MOXD1: variants seen among roughly 807,000 people sequenced by gnomAD.
MOXD1 encodes the protein monooxygenase DBH like 1, also known as DBH-like monooxygenase protein 1.
Under a neutral mutation model 66.6 loss-of-function variants are expected in MOXD1, and 62 were observed. The observed-to-expected ratio is 0.93, with a 90% CI of 0.76 to 1.15. The LOEUF (loss-of-function observed/expected upper bound fraction) is 1.15, where lower values mean the gene tolerates loss of function less well. Among genes scored for constraint, MOXD1 ranks in the 50% most tolerant of loss-of-function variants. The pLI is 0.00. For missense variants in MOXD1, 847 were observed against 754.6 expected, an observed-to-expected ratio of 1.12 and a Z score of -1.44; for synonymous variants, 303 against 281.9, an observed-to-expected ratio of 1.07 and a Z score of -0.75.
At chr6:132,358,586 T>C (rs149654136) in intron 4 of MOXD1, among the ~76,000 whole-genome samples, 3 of 152,224 alleles carry the variant, frequency 2.0e-5, no homozygotes, top group African/African-American at 7.2e-5. Flanking sequence ...TTGTTATTTT[T>C]ATGTTATATA....
At chr6:132,305,973 A>G (rs983386742) in intron 10 of MOXD1, among the ~76,000 whole-genome samples, 29 of 152,288 alleles carry the variant, frequency 1.9e-4, no homozygotes, top group Non-Finnish European at 1.6e-4. Context: ...AATGATTGCA[A>G]CATCGCTCCA....
rs371807636 is a variant in MOXD1 at position 132,393,133 on chromosome 6, C to T, written c.264+8030G>A. 2.7e-5 allele frequency among the ~76,000 whole-genome samples: 4 copies of T among 148,868 alleles called. No homozygotes were observed. In the East Asian group the frequency reaches 7.7e-4, roughly 29 times the overall value. Reference sequence around the variant, plus strand: ...TTGAAAAATTACCAACTGCTTCCAACTCCTTGTGAGTGGAGTGAGTGTGTG... The same window carrying T: ...TTGAAAAATTACCAACTGCTTCCAATTCCTTGTGAGTGGAGTGAGTGTGTG... On this transcript the variant is annotated intron_variant, in intron 1 of 11. Transcript: ENST00000367963.
chr6:132,343,336 A>G (rs573803689), intron 4 of MOXD1, among the ~76,000 whole-genome samples: 50 of 152,344 alleles, frequency 3.3e-4, no homozygotes, highest in African/African-American at 9.1e-4. Flanking sequence ...TCACTTTGGG[A>G]GACTGAGGTG....
chr6:132,373,048 C>A, intron 2 of MOXD1, 51 bp from the exon 3 acceptor site: 2 of 1,507,400 alleles, frequency 1.3e-6, no homozygotes, highest in South Asian at 1.3e-5. Context: ...ACTTTCCTTA[C>A]CACTGAGTTG....
intron 4 of MOXD1, among the ~76,000 whole-genome samples, chr6:132,352,554 C>T (rs533483109): frequency 3.3e-5 from 5 of 152,090 alleles, no homozygotes; most frequent in Admixed American, 2.6e-4. Flanking sequence ...TGGCCTATCA[C>T]GTGTCCTGTC....
At chr6:132,314,513 C>G (rs9493283) in intron 10 of MOXD1, among the ~76,000 whole-genome samples, 2 of 152,216 alleles carry the variant, frequency 1.3e-5, no homozygotes, top group South Asian at 2.1e-4. Context: ...TCTGGTCCCA[C>G]CTGCTCTCAT....
intron 1 of MOXD1, among the ~76,000 whole-genome samples, chr6:132,385,959 T>C (rs1366832240): frequency 1.3e-4 from 18 of 137,820 alleles, no homozygotes; most frequent in Middle Eastern, 4.7e-3. Context: ...AAAAATTAGC[T>C]GGGCGTGGTG....
rs530855159 is a variant in MOXD1, at chr6:132,329,210, C to T, written c.664-616G>A. Among the ~76,000 whole-genome samples, 452 of 152,198 alleles carry T rather than the reference C, an allele frequency of 3.0e-3. 3 individuals carry two copies. Among genetic ancestry groups the T allele is most frequent in the Middle Eastern group, 0.027 (8 of 294 alleles). ...ATTCCCACCTATGAGTGAGAACATG[C>T]GGTGTTTGGTTTTCTGTCCTTGGCG... On this transcript the variant is annotated intron_variant, in intron 4 of 11. Coordinates refer to ENST00000367963, the MANE Select transcript of MOXD1 (RefSeq NM_015529.4).
At chr6:132,301,504 A>G (rs991304791) in intron 10 of MOXD1, among the ~76,000 whole-genome samples, 1 of 152,004 alleles carries the variant, frequency 6.6e-6, no homozygotes, top group Non-Finnish European at 1.5e-5. Flanking sequence ...GAGAAAAATA[A>G]TCTGTGGTTA....
chr6:132,332,505 T>A (rs141521303), intron 4 of MOXD1, among the ~76,000 whole-genome samples: 116 of 152,316 alleles, frequency 7.6e-4, no homozygotes, highest in African/African-American at 2.5e-3. Flanking sequence ...AATAGAAGAA[T>A]AATTTCTAGA....
intron 4 of MOXD1, 128 bp downstream of exon 4, chr6:132,372,480 C>T: frequency 1.2e-6 from 1 of 849,450 alleles, no homozygotes; most frequent in Non-Finnish European, 1.8e-6. Context: ...CAAGCCAGTT[C>T]TTTTTTCTCT....
In MOXD1 at chr6:132,319,836, T is replaced by C. The variant is rs144203679; in HGVS notation, c.1365+793A>G. Among the ~76,000 whole-genome samples the C allele has an allele frequency of 2.1e-4, 32 of 152,224 alleles. No individual in the cohort carries two copies. The East Asian group carries it at 3.5e-3, about 17-fold the overall frequency. On this transcript the variant is annotated intron_variant, in intron 9 of 11. Transcript: ENST00000367963. ...TCCCTGTTATTCCAGGCTTGCTAAA[T>C]GTCTCCCCTGTCAACAATAAACTTG...
intron 4 of MOXD1, among the ~76,000 whole-genome samples, chr6:132,336,449 C>G (rs1175494070): frequency 6.6e-6 from 1 of 152,174 alleles, no homozygotes. Context: ...ACAATGGGAG[C>G]ACAGAGGTAT....
intron 4 of MOXD1, among the ~76,000 whole-genome samples, chr6:132,330,979 A>G (rs1023058023): frequency 1.3e-5 from 2 of 152,110 alleles, no homozygotes; most frequent in African/African-American, 4.8e-5. Context: ...AACATTGCAC[A>G]CGGTTTTGTT....
intron 4 of MOXD1, among the ~76,000 whole-genome samples, chr6:132,330,746 T>C (rs924303193): frequency 2.0e-5 from 3 of 152,222 alleles, no homozygotes; most frequent in African/African-American, 7.2e-5. Context: ...ACATGAAGTG[T>C]TTTCAGCTCT....
At position 132,376,675 on chromosome 6, in the gene MOXD1, G is replaced by A. The variant is rs1776386900; in HGVS notation, c.265-1898C>T. Among the ~76,000 whole-genome samples the A allele has an allele frequency of 2.0e-5, 2 of 98,594 alleles. 1 individual carries two copies. Among genetic ancestry groups the A allele is most frequent in the African/African-American group, 2.3e-4 (2 of 8,650 alleles). The allele number at this position is 98,594 out of a possible 152,430, so 64.7% of individuals were successfully genotyped here. Reference sequence around the variant, plus strand: ...ACTACAGGCGCCCGCCACTACGCCCGGCTAATTTTTTGTATTTTTAGTAGA... The same window carrying A: ...ACTACAGGCGCCCGCCACTACGCCCAGCTAATTTTTTGTATTTTTAGTAGA... On this transcript the variant is annotated intron_variant, in intron 1 of 11. Transcript: ENST00000367963.
At chr6:132,302,505 T>C (rs1774563244) in intron 10 of MOXD1, among the ~76,000 whole-genome samples, 1 of 151,812 alleles carries the variant, frequency 6.6e-6, no homozygotes, top group South Asian at 2.1e-4. Context: ...TAACAAAACA[T>C]GCGCAAAACT....
At chr6:132,378,739 T>A (rs980348388) in intron 1 of MOXD1, among the ~76,000 whole-genome samples, 1 of 152,074 alleles carries the variant, frequency 6.6e-6, no homozygotes, top group African/African-American at 2.4e-5. Flanking sequence ...TATAATCTAC[T>A]CATGGGTAAA....
intron 4 of MOXD1, among the ~76,000 whole-genome samples, chr6:132,368,413 T>G (rs1452756162): frequency 2.0e-5 from 3 of 152,038 alleles, no homozygotes; most frequent in Non-Finnish European, 4.4e-5. Context: ...TTTCTACAAT[T>G]TCCATATTCA....
Sources: gnomAD v4.1 joint callset for allele counts (sites outside exome capture counted in the v4.1 genomes callset) on GRCh38, gnomAD v4.1.1 for gene constraint, MANE v1.5 for transcripts, NCBI Gene and HGNC (gene_info 2026-07-23, HGNC 2026-07-21) for gene names.